DGKI: variants seen among roughly 807,000 people sequenced by gnomAD.
DGKI encodes DAG kinase iota.
Under a neutral mutation model 147.5 loss-of-function variants are expected in DGKI, and 55 were observed. That is an observed-to-expected ratio of 0.37 (90% CI 0.30 to 0.47). The LOEUF (loss-of-function observed/expected upper bound fraction) is 0.47, where lower values mean the gene tolerates loss of function less well. Among genes scored for constraint, DGKI ranks in the 20% least tolerant of loss-of-function variants. DGKI has a pLI of 1.00. For synonymous variants in DGKI, 469 were observed against 477.1 expected (o/e 0.98, Z 0.22); for missense variants, 1,007 against 1,323.8 (o/e 0.76, Z 3.71).
At chr7:137,714,512 G>C (rs1794319476) in intron 1 of DGKI, among the ~76,000 whole-genome samples, 1 of 152,186 alleles carries the variant, frequency 6.6e-6, no homozygotes, top group African/African-American at 2.4e-5. Flanking sequence ...AGAAGGGCAA[G>C]AGAAGCAGGA....
Position 137,624,905 on chromosome 7 carries a change from C to A in DGKI, c.805-1351G>T, listed in dbSNP as rs1240323118. On this transcript the variant is annotated intron_variant, in intron 6 of 32. Transcript: ENST00000614521. The stretch of plus-strand genomic sequence containing the variant: ...ATAGGCGTGAGCCATCTCGCCCGGC[C>A]TTCTCTCCTCTCTTGATTTCCTAAC... Among the ~76,000 whole-genome samples, 3 of 152,136 alleles carry A rather than the reference C, an allele frequency of 2.0e-5. No individual in the cohort carries two copies. The East Asian group carries it at 5.8e-4, about 29-fold the overall frequency.
intron 21 of DGKI, among the ~76,000 whole-genome samples, chr7:137,514,941 A>C (rs1816701661): frequency 6.6e-6 from 1 of 152,122 alleles, no homozygotes; most frequent in South Asian, 2.1e-4. Context: ...CCTTCTCATT[A>C]CACTTTGAAT....
At chr7:137,807,204 C>T (rs559304464) in intron 1 of DGKI, among the ~76,000 whole-genome samples, 2 of 152,196 alleles carry the variant, frequency 1.3e-5, no homozygotes, top group Non-Finnish European at 2.9e-5. Context: ...TTCCCAAATA[C>T]TTCTTTACTG....
In DGKI at chr7:137,597,854, T is replaced by A; in HGVS notation, c.1304A>T (p.Asp435Val). Residue 435 changes from aspartate (D) to valine (V), a missense_variant, in exon 12 of 33, where the codon GAT (aspartate) becomes GTT (valine). Transcript: ENST00000614521. ...TCTCTCTCAGGGACCTACCGTTCCA[T>A]CCCCACCACAGGCCAGAATTCGCAG... is the stretch of plus-strand genomic sequence containing the variant. ...PNLRILACGGDGTVGWILSIL... is the reference protein window; with the variant it reads ...PNLRILACGGVGTVGWILSIL... 1 of 1,613,878 alleles carries A rather than the reference T, an allele frequency of 6.2e-7. No individual in the cohort carries two copies. Among genetic ancestry groups the A allele is most frequent in the Non-Finnish European group, 8.5e-7 (1 of 1,179,864 alleles).
chr7:137,643,845 C>T (rs533480394), intron 6 of DGKI, among the ~76,000 whole-genome samples: 1 of 152,220 alleles, frequency 6.6e-6, no homozygotes, highest in Non-Finnish European at 1.5e-5. Context: ...ATCCCTCCCA[C>T]TCCATTATGG....
rs1001056784 is a variant in DGKI at position 137,537,214 on chromosome 7, C to T, written c.2147+15155G>A. On this transcript the variant is annotated intron_variant, in intron 20 of 32. Transcript: ENST00000614521. ...GGGAGAGAGAGGAAGGAAGAAGAGACGATGGGCAAAGTTTAGCATCTTCCT... is the reference window on the plus strand; with the variant it reads ...GGGAGAGAGAGGAAGGAAGAAGAGATGATGGGCAAAGTTTAGCATCTTCCT... Among the ~76,000 whole-genome samples, 13 of 152,208 alleles carry T rather than the reference C, an allele frequency of 8.5e-5. No homozygotes were observed. The South Asian group carries it at 1.0e-3, about 12-fold the overall frequency.
intron 1 of DGKI, among the ~76,000 whole-genome samples, chr7:137,693,402 A>G (rs1823677949): frequency 6.6e-6 from 1 of 152,248 alleles, no homozygotes; most frequent in East Asian, 1.9e-4. Context: ...CTTCTTTGAA[A>G]AGAACTGTGA....
At chr7:137,587,660 C>T (rs956497962) in intron 12 of DGKI, among the ~76,000 whole-genome samples, 1 of 152,128 alleles carries the variant, frequency 6.6e-6, no homozygotes. Context: ...ATAATACGTA[C>T]CTCACACGAT....
At chr7:137,638,569 CATATAT>C (rs1821470547) in intron 6 of DGKI, among the ~76,000 whole-genome samples, 1 of 14,492 alleles carries the variant, frequency 6.9e-5, no homozygotes, top group Non-Finnish European at 1.6e-4. Flanking sequence ...TATATACACA[CATATAT>C]GTATATATAC....
At chr7:137,484,288 T>C (rs1815475512) in intron 23 of DGKI, among the ~76,000 whole-genome samples, 1 of 152,136 alleles carries the variant, frequency 6.6e-6, no homozygotes, top group Non-Finnish European at 1.5e-5. Context: ...TAAATTATTG[T>C]GTTTTCTATT....
intron 5 of DGKI, among the ~76,000 whole-genome samples, chr7:137,652,026 T>C (rs1013258391): frequency 3.3e-5 from 5 of 152,068 alleles, no homozygotes; most frequent in Non-Finnish European, 7.4e-5. Flanking sequence ...CCGAAAATAA[T>C]TTATATAGTT....
chr7:137,470,939 A>G (rs1814858428), intron 23 of DGKI, among the ~76,000 whole-genome samples: 1 of 152,208 alleles, frequency 6.6e-6, no homozygotes, highest in African/African-American at 2.4e-5. Flanking sequence ...AACTTCCTTG[A>G]AGTCTCAGAA....
chr7:137,644,635 T>C (rs1375296911), intron 6 of DGKI, among the ~76,000 whole-genome samples: 1 of 152,220 alleles, frequency 6.6e-6, no homozygotes, highest in Non-Finnish European at 1.5e-5. Context: ...TTTAGGAAGA[T>C]ATTCCCCCCA....
chr7:137,474,656 C>A (rs1194506407), intron 23 of DGKI, among the ~76,000 whole-genome samples: 1 of 152,088 alleles, frequency 6.6e-6, no homozygotes, highest in Non-Finnish European at 1.5e-5. Flanking sequence ...CACAGACAAG[C>A]TAAGAATTGA....
chr7:137,420,578 A>T (rs985770017), intron 28 of DGKI, among the ~76,000 whole-genome samples: 1 of 152,160 alleles, frequency 6.6e-6, no homozygotes, highest in African/African-American at 2.4e-5. Flanking sequence ...CCTAAAAATT[A>T]AAAAGGATGA....
At chr7:137,522,046 T>C (rs1391357368) in intron 20 of DGKI, 80 bp from the exon 21 acceptor site, 1 of 962,392 alleles carries the variant, frequency 1.0e-6, no homozygotes, top group African/African-American at 1.7e-5. Context: ...ATAAGGGCAA[T>C]ATTGTCTCTT....
rs554096037 is a variant in DGKI at position 137,702,133 on chromosome 7, T to C, written c.402-12131A>G. On this transcript the variant is annotated intron_variant, in intron 1 of 32. Transcript: ENST00000614521. ...ATAATATTGACCCTATCTCACATTA[T>C]ACAGATAATACATCAAGAAGGATCA... is the stretch of plus-strand genomic sequence containing the variant. Among the ~76,000 whole-genome samples, 15 of 152,296 alleles carry C rather than the reference T, an allele frequency of 9.8e-5. No individual in the cohort carries two copies. In the East Asian group the frequency reaches 2.9e-3, roughly 29 times the overall value.
At chr7:137,771,238 G>A (rs748376967) in intron 1 of DGKI, among the ~76,000 whole-genome samples, 7 of 152,030 alleles carry the variant, frequency 4.6e-5, no homozygotes, top group Non-Finnish European at 7.4e-5. Flanking sequence ...TCACAGGTGC[G>A]TGCCACCATG....
At chr7:137,647,614 A>C (rs907089578) in intron 5 of DGKI, among the ~76,000 whole-genome samples, 1 of 152,148 alleles carries the variant, frequency 6.6e-6, no homozygotes, top group African/African-American at 2.4e-5. Context: ...GCAATTCTAG[A>C]ATAACCTGCC....
Sources: gnomAD v4.1 joint callset for allele counts (sites outside exome capture counted in the v4.1 genomes callset) on GRCh38, gnomAD v4.1.1 for gene constraint, MANE v1.5 for transcripts, NCBI Gene and HGNC (gene_info 2026-07-23, HGNC 2026-07-21) for gene names.